Variants in ARHGEF38 observed in about 807,000 individuals in gnomAD.
The protein encoded by ARHGEF38 is Rho guanine nucleotide exchange factor 38, also known as Rho guanine nucleotide exchange factor (GEF) 38.
Under a neutral mutation model 79.9 loss-of-function variants are expected in ARHGEF38, and 79 were observed. That is an observed-to-expected ratio of 0.99 (90% confidence interval 0.82 to 1.19). The LOEUF is 1.19. Among genes scored for constraint, ARHGEF38 ranks in the 50% most tolerant of loss-of-function variants. The pLI, the probability that ARHGEF38 is intolerant of heterozygous loss-of-function variation, is 0.00. For missense variants in ARHGEF38, 962 were observed against 907.2 expected, an observed-to-expected ratio of 1.06 and a Z score of -0.78; for synonymous variants, 366 against 328.3, an observed-to-expected ratio of 1.11 and a Z score of -1.24.
At chr4:105,578,682 C>T (rs1319328748) in intron 1 of ARHGEF38, among the ~76,000 whole-genome samples, 2 of 152,084 alleles carry the variant, frequency 1.3e-5, no homozygotes, top group East Asian at 3.9e-4. Flanking sequence ...TTGTCTTTTA[C>T]TGTTGTTGCT....
Position 105,556,400 on chromosome 4 carries a change from T to C in ARHGEF38, c.196+3439T>C, listed in dbSNP as rs562817118. ...AAATAAATACAATAAAGTGGCATGA[T>C]AGAAGTGGAGGTAGGATCAGTGGGT... On this transcript the variant is annotated intron_variant, in intron 1 of 13. Coordinates refer to ENST00000420470, the MANE Select transcript of ARHGEF38 (RefSeq NM_001242729.2). 2.0e-5 allele frequency among the ~76,000 whole-genome samples: 3 copies of C among 152,146 alleles called. No individual in the cohort carries two copies. In the East Asian group the frequency reaches 5.8e-4, roughly 29 times the overall value.
At chr4:105,575,011 T>C (rs1407682530) in intron 1 of ARHGEF38, among the ~76,000 whole-genome samples, 3 of 72,248 alleles carry the variant, frequency 4.2e-5, no homozygotes, top group African/African-American at 1.0e-4. Context: ...CACACACATA[T>C]ATACACACAC....
chr4:105,599,139 G>C (rs1235548027), intron 2 of ARHGEF38, among the ~76,000 whole-genome samples: 1 of 152,014 alleles, frequency 6.6e-6, no homozygotes, highest in Non-Finnish European at 1.5e-5. Flanking sequence ...TCTTTTTATG[G>C]GAAGGAAATC....
At position 105,680,003 on chromosome 4, in the gene ARHGEF38, T is replaced by A. The variant is rs1441616171; in HGVS notation, c.*2066T>A. The A allele has an allele frequency of 9.2e-7, 1 of 1,092,590 alleles. No homozygotes were observed. The highest frequency in any genetic ancestry group is 1.4e-6 in the Non-Finnish European group (1 of 709,468). 67.7% of individuals were successfully genotyped at this position (1,092,590 alleles called of 1,614,324 possible). ...TGTAAACACAGTGCATTCTGTTTTGTGCGGATTCATGGCCATGTCAGTTAC... is the reference window on the plus strand; with the variant it reads ...TGTAAACACAGTGCATTCTGTTTTGAGCGGATTCATGGCCATGTCAGTTAC... On this transcript the variant is annotated 3_prime_UTR_variant, in exon 14 of 14. Transcript: ENST00000420470.
chr4:105,672,396 T>C (rs1266694414), intron 13 of ARHGEF38, among the ~76,000 whole-genome samples: 5 of 152,226 alleles, frequency 3.3e-5, no homozygotes, highest in Admixed American at 2.6e-4. Flanking sequence ...CTTTGTTGAA[T>C]AATGGGGATG....
chr4:105,558,664 T>G (rs1483339633), intron 1 of ARHGEF38, among the ~76,000 whole-genome samples: 1 of 152,166 alleles, frequency 6.6e-6, no homozygotes, highest in African/African-American at 2.4e-5. Context: ...GAAGGACCAT[T>G]TGTGTCAAAT....
At chr4:105,663,363 C>T (rs1730631931) in intron 10 of ARHGEF38, among the ~76,000 whole-genome samples, 1 of 152,034 alleles carries the variant, frequency 6.6e-6, no homozygotes, top group African/African-American at 2.4e-5. Context: ...TTTAAGTGTA[C>T]ATTTCAGTAG....
chr4:105,584,946 C>A (rs1432486393), intron 1 of ARHGEF38, among the ~76,000 whole-genome samples: 1 of 152,088 alleles, frequency 6.6e-6, no homozygotes, highest in African/African-American at 2.4e-5. Flanking sequence ...ACGCATATAC[C>A]CAAGCCAGAT....
At chr4:105,635,242 A>G (rs1024638434) in intron 4 of ARHGEF38, among the ~76,000 whole-genome samples, 10 of 143,718 alleles carry the variant, frequency 7.0e-5, no homozygotes, top group African/African-American at 2.2e-4. Context: ...TAGCTTCTGC[A>G]AAGTTTCAGC....
rs148727052 is a variant in ARHGEF38 at position 105,596,797 on chromosome 4, G to A, written c.384+7362G>A. On this transcript the variant is annotated intron_variant, in intron 2 of 13. Coordinates refer to ENST00000420470, the MANE Select transcript of ARHGEF38 (RefSeq NM_001242729.2). ...GCCCTCTCTTCCGATGTTTTTAGCT[G>A]GTTGGGCATCCCTGGTGACCGTCAT... Among the ~76,000 whole-genome samples the A allele has an allele frequency of 2.8e-3, 422 of 152,292 alleles. 2 individuals carry two copies. Among genetic ancestry groups the A allele is most frequent in the African/African-American group, 9.6e-3 (398 of 41,566 alleles).
At chr4:105,559,725 C>A (rs1169077541) in intron 1 of ARHGEF38, among the ~76,000 whole-genome samples, 1 of 151,916 alleles carries the variant, frequency 6.6e-6, no homozygotes, top group African/African-American at 2.4e-5. Context: ...TATCCTTGCT[C>A]CAGGTCCCAC....
At chr4:105,630,796 C>T (rs1194692008) in intron 3 of ARHGEF38, 102 bp from the exon 4 acceptor site, 52 of 1,000,642 alleles carry the variant, frequency 5.2e-5, no homozygotes, top group Non-Finnish European at 6.7e-5. Context: ...TAAAGTAGAT[C>T]CCATCCAAGT....
At position 105,580,126 on chromosome 4, in the gene ARHGEF38, G is replaced by T. The variant is rs571197424; in HGVS notation, c.197-9122G>T. 4.0e-5 allele frequency among the ~76,000 whole-genome samples: 6 copies of T among 150,996 alleles called. No individual in the cohort carries two copies. The East Asian group carries it at 1.2e-3, about 29-fold the overall frequency. On this transcript the variant is annotated intron_variant, in intron 1 of 13. Transcript: ENST00000420470. ...TTTGGATCTTTTTTCTTCTTTATTA[G>T]TCTAGCTAGCAGTCTATCTTATTAA...
At chr4:105,638,359 A>T (rs1729484293) in intron 5 of ARHGEF38, among the ~76,000 whole-genome samples, 1 of 152,160 alleles carries the variant, frequency 6.6e-6, no homozygotes, top group Non-Finnish European at 1.5e-5. Context: ...TCCCACTAAA[A>T]GCAAGAAAAA....
intron 2 of ARHGEF38, among the ~76,000 whole-genome samples, chr4:105,607,130 G>C (rs972586388): frequency 3.9e-5 from 6 of 152,098 alleles, no homozygotes; most frequent in African/African-American, 1.4e-4. Context: ...TCATTAAACA[G>C]AAGCCTATAA....
At chr4:105,570,467 A>G (rs1212529775) in intron 1 of ARHGEF38, among the ~76,000 whole-genome samples, 1 of 152,130 alleles carries the variant, frequency 6.6e-6, no homozygotes, top group Non-Finnish European at 1.5e-5. Flanking sequence ...GATTTAATTG[A>G]CTCAGAGTTC....
At chr4:105,657,907 C>T (rs185822156) in intron 9 of ARHGEF38, among the ~76,000 whole-genome samples, 3 of 152,048 alleles carry the variant, frequency 2.0e-5, no homozygotes, top group Admixed American at 1.3e-4. Context: ...GGATAGCTTT[C>T]GGGTTACAAA....
At chr4:105,597,395 G>A (rs1486837324) in intron 2 of ARHGEF38, among the ~76,000 whole-genome samples, 1 of 152,196 alleles carries the variant, frequency 6.6e-6, no homozygotes, top group African/African-American at 2.4e-5. Flanking sequence ...TTCACTAAAA[G>A]ACATTTACTG....
Position 105,680,000 on chromosome 4 carries a change from T to C in ARHGEF38, c.*2063T>C, listed in dbSNP as rs1336677814. 8.7e-7 allele frequency: 1 copy of C among 1,143,954 alleles called. No individual in the cohort carries two copies. Among genetic ancestry groups the C allele is most frequent in the African/African-American group, 1.5e-5 (1 of 65,842 alleles). The allele number at this position is 1,143,954 out of a possible 1,614,324, so 70.9% of individuals were successfully genotyped here. A position where few individuals can be genotyped will look rare whatever the true frequency, so the allele number is the denominator to read the frequency against. On this transcript the variant is annotated 3_prime_UTR_variant, in exon 14 of 14. Coordinates refer to ENST00000420470, the MANE Select transcript of ARHGEF38 (RefSeq NM_001242729.2). ...CCATGTAAACACAGTGCATTCTGTT[T>C]TGTGCGGATTCATGGCCATGTCAGT...
Sources: allele counts gnomAD v4.1 joint callset (sites outside exome capture counted in the v4.1 genomes callset), GRCh38; gene constraint gnomAD v4.1.1; transcripts MANE v1.5; gene names NCBI Gene and HGNC (gene_info 2026-07-23, HGNC 2026-07-21).